The following ZNF814 variants were observed in gnomAD, a reference collection of about 807,000 sequenced individuals.
The protein encoded by ZNF814 is zinc finger protein 814.
ZNF814 carries 5 observed loss-of-function variants against 7.5 expected under a neutral mutation model. That is an observed-to-expected ratio of 0.67 (90% CI 0.35 to 1.40). The LOEUF is 1.40. Among genes scored for constraint, ZNF814 ranks in the 40% most tolerant of loss-of-function variants. ZNF814 has a pLI of 0.04. For synonymous variants in ZNF814, 315 were observed against 340.7 expected, an observed-to-expected ratio of 0.92 and a Z score of 0.83; for missense variants, 962 against 1,018.0, an observed-to-expected ratio of 0.94 and a Z score of 0.75.
chr19:57,886,121 A>G (rs955250288), intron 1 of ZNF814, among the ~76,000 whole-genome samples: 6 of 152,188 alleles, frequency 3.9e-5, no homozygotes, highest in African/African-American at 1.4e-4. Flanking sequence ...CAAGCTAGAG[A>G]ACATATAGGT....
chr19:57,876,830 C>G, intron 2 of ZNF814, 86 bp downstream of exon 2: 1 of 1,582,416 alleles, frequency 6.3e-7, no homozygotes, highest in South Asian at 1.2e-5. Flanking sequence ...TGTCCATGCT[C>G]CTGACATGAG....
intron 1 of ZNF814, among the ~76,000 whole-genome samples, chr19:57,885,221 C>G (rs553551970): frequency 3.3e-5 from 5 of 151,646 alleles, no homozygotes; most frequent in Admixed American, 6.6e-5. Flanking sequence ...ACTTGGGAGG[C>G]TGAGACATGA....
chr19:57,884,092 G>A (rs148865235), intron 1 of ZNF814, among the ~76,000 whole-genome samples: 12 of 152,186 alleles, frequency 7.9e-5, no homozygotes, highest in African/African-American at 2.9e-4. Flanking sequence ...TTCAAGCACA[G>A]GCAACCAAAG....
At chr19:57,883,202 C>G (rs2071662714) in intron 1 of ZNF814, among the ~76,000 whole-genome samples, 1 of 151,488 alleles carries the variant, frequency 6.6e-6, no homozygotes, top group Non-Finnish European at 1.5e-5. Flanking sequence ...ACTAAAAATA[C>G]AAAAAATTAG....
rs997429472 is a variant in ZNF814 at position 57,888,786 on chromosome 19, G to A, written c.17C>T (p.Thr6Met). 2 of 1,552,086 alleles carry A rather than the reference G, an allele frequency of 1.3e-6. No homozygotes were observed. Among genetic ancestry groups the A allele is most frequent in the Non-Finnish European group, 1.7e-6 (2 of 1,147,320 alleles). ...AATTACCTGAGCGGAGAGCCTCAGC[G>A]TAGCCGCGGCAGCCATCGAACCACG... Reference protein sequence around the residue: MAAAATLRLSAQGTVT... With the variant: MAAAAMLRLSAQGTVT... The change falls in exon 1 of 3, where the codon ACG becomes ATG. Residue 6 changes from threonine to methionine, a missense_variant. Around this residue, in one of 7 missense-constraint regions of ZNF814, gnomAD observed 63 missense variants for 65.0 expected, o/e 0.97. Coordinates refer to ENST00000435989, the MANE Select transcript of ZNF814 (RefSeq NM_001144989.2).
chr19:57,896,364 C>G, the ZNF814 span, among the ~76,000 whole-genome samples: 1 of 151,970 alleles, frequency 6.6e-6, no homozygotes, highest in Non-Finnish European at 1.5e-5. The surrounding 1 kb of genome is among the most constrained non-coding windows in gnomAD (Gnocchi z 4.2). Flanking sequence ...ATTCTGAATG[C>G]GAGGAGCAAA....
chr19:57,890,693 G>A (rs1418309942), upstream of ZNF814, among the ~76,000 whole-genome samples: 1 of 152,108 alleles, frequency 6.6e-6, no homozygotes, highest in African/African-American at 2.4e-5. Flanking sequence ...CTTTTGCAAT[G>A]GTGATACCAT....
At chr19:57,904,093 G>A in the ZNF814 span, among the ~76,000 whole-genome samples, 4 of 152,246 alleles carry the variant, frequency 2.6e-5, no homozygotes, top group East Asian at 7.7e-4. Flanking sequence ...TTTGGAGTGT[G>A]TCCAGACTCA....
the ZNF814 span, among the ~76,000 whole-genome samples, chr19:57,896,173 C>CAAAAAAAA: frequency 1.4e-5 from 1 of 69,306 alleles, no homozygotes; most frequent in African/African-American, 4.2e-5. The surrounding 1 kb of genome is among the most constrained non-coding windows in gnomAD (Gnocchi z 4.2). Flanking sequence ...GACTCCATCT[C>CAAAAAAAA]AAAAAAAAAA....
chr19:57,896,007 G>A, the ZNF814 span, among the ~76,000 whole-genome samples: 1 of 152,090 alleles, frequency 6.6e-6, no homozygotes. This position sits in a 1 kb window ranked among gnomAD's most constrained non-coding sequence, Gnocchi z 4.2. Flanking sequence ...CAGGAATAAC[G>A]CTCAAAATTT....
chr19:57,885,987 AAC>A (rs1555777995), intron 1 of ZNF814: 1 of 151,324 alleles, frequency 6.6e-6, no homozygotes, highest in African/African-American at 2.4e-5. Context: ...AAAAAAAAAA[AAC>A]AAAAAAACAA....
At chr19:57,886,052 T>C (rs2071690805) in intron 1 of ZNF814, 1 of 150,908 alleles carries the variant, frequency 6.6e-6, no homozygotes, top group South Asian at 2.1e-4. Context: ...CCACAAAAAT[T>C]TAAAATTTAA....
chr19:57,890,083 C>T (rs1292152830), upstream of ZNF814, among the ~76,000 whole-genome samples: 1 of 152,060 alleles, frequency 6.6e-6, no homozygotes, highest in Non-Finnish European at 1.5e-5. Context: ...TTCAGATGGT[C>T]CTTCAGATGC....
At chr19:57,903,371 G>C in the ZNF814 span, among the ~76,000 whole-genome samples, 1 of 152,144 alleles carries the variant, frequency 6.6e-6, no homozygotes, top group Non-Finnish European at 1.5e-5. Flanking sequence ...TCAAAATATA[G>C]TTAGTCAAAT....
chr19:57,877,547 A>AT (rs1485510143), intron 1 of ZNF814, among the ~76,000 whole-genome samples: 1 of 152,050 alleles, frequency 6.6e-6, no homozygotes, highest in African/African-American at 2.4e-5. Context: ...GGTTCAAGCA[A>AT]TTATCCTGCC....
chr19:57,888,091 G>A (rs1402769235), intron 1 of ZNF814, among the ~76,000 whole-genome samples: 2 of 152,180 alleles, frequency 1.3e-5, no homozygotes, highest in Admixed American at 6.5e-5. Context: ...GCCGCCAGCT[G>A]AATAAAGGAC....
At chr19:57,903,899 T>C in the ZNF814 span, among the ~76,000 whole-genome samples, 1 of 152,180 alleles carries the variant, frequency 6.6e-6, no homozygotes, top group African/African-American at 2.4e-5. Context: ...TCTGACATAA[T>C]GTAAAAGAGT....
the ZNF814 span, among the ~76,000 whole-genome samples, chr19:57,895,574 C>T: frequency 6.6e-6 from 1 of 152,044 alleles, no homozygotes; most frequent in East Asian, 1.9e-4. Context: ...CCGCACCTGG[C>T]CACGTCCTTG....
At chr19:57,894,070 G>A (rs2375144), upstream of ZNF814, among the ~76,000 whole-genome samples, 43,600 of 146,860 alleles carry the variant, frequency 0.3, 6,774 homozygotes, top group East Asian at 0.48. Flanking sequence ...GTGACAGAGC[G>A]AGACTCTGTC....
Sources: allele counts gnomAD v4.1 joint callset (sites outside exome capture counted in the v4.1 genomes callset), GRCh38; gene constraint gnomAD v4.1.1; regional missense constraint gnomAD v4.1.1; non-coding constraint Gnocchi (gnomAD v3.1); transcripts MANE v1.5; gene names NCBI Gene and HGNC (gene_info 2026-07-23, HGNC 2026-07-21).